The following ZSWIM7 variants were observed in gnomAD, a reference collection of about 807,000 sequenced individuals.
The protein encoded by ZSWIM7 is zinc finger SWIM domain-containing protein 7.
ZSWIM7 carries 22 observed loss-of-function variants against 21.1 expected under a neutral mutation model. The ratio of observed to expected loss-of-function variants is 1.04; its 90% CI spans 0.74 to 1.49. The LOEUF (loss-of-function observed/expected upper bound fraction) is 1.49, where lower values mean the gene tolerates loss of function less well. ZSWIM7 is among the 40% of genes most tolerant of loss of function. The pLI, the probability that ZSWIM7 is intolerant of heterozygous loss-of-function variation, is 0.00. For missense variants in ZSWIM7, 193 were observed against 168.0 expected, an observed-to-expected ratio of 1.15 and a Z score of -0.82; for synonymous variants, 67 against 66.5, an observed-to-expected ratio of 1.01 and a Z score of -0.04.
chr17:15,993,793 T>C lies in ZSWIM7; in HGVS notation c.77-15A>G. 1 of 1,504,678 alleles carries C rather than the reference T, an allele frequency of 6.6e-7. No homozygotes were observed. Among genetic ancestry groups the C allele is most frequent in the Non-Finnish European group, 9.2e-7 (1 of 1,092,336 alleles). 93.2% of individuals were successfully genotyped at this position (1,504,678 alleles called of 1,614,324 possible). ...TTCATCAGGAACTGTAAAATGAGAATGGAAAAAAAAAGTTAATCATATTAA... is the reference window on the plus strand; with the variant it reads ...TTCATCAGGAACTGTAAAATGAGAACGGAAAAAAAAAGTTAATCATATTAA... On this transcript the variant is annotated splice_polypyrimidine_tract_variant and intron_variant, in intron 1 of 4. Transcript: ENST00000399277.
In ZSWIM7 at chr17:15,977,837, C is replaced by G. The variant is rs11654; in HGVS notation, c.*210G>C. On this transcript the variant is annotated 3_prime_UTR_variant, in exon 5 of 5. Transcript: ENST00000399277. ...GAGACTGGCTCAGGGTATTTCTTGA[C>G]AAGACTGTACAGGGCTTCTCATCAT... is the stretch of plus-strand genomic sequence containing the variant. The G allele has an allele frequency of 0.56, 254,068 of 449,866 alleles. 74,538 individuals carry two copies. The highest frequency in any genetic ancestry group is 0.7 in the African/African-American group (35,843 of 51,452). 27.9% of individuals were successfully genotyped at this position (449,866 alleles called of 1,614,324 possible).
Position 15,978,145 on chromosome 17 carries a change from C to A in ZSWIM7, c.325G>T (p.Val109Phe). Residue 109 changes from valine to phenylalanine, a missense_variant, in exon 5 of 5, where the codon GTT becomes TTT. Transcript: ENST00000399277. ...DSILCKHLLA[V>F]YLSQVMRTCQ... Reference sequence around the variant, plus strand: ...GTCCTCATAACCTGACTCAGGTAAACTGCCAAGAGATGCTTGCACTGGAAT... The same window carrying A: ...GTCCTCATAACCTGACTCAGGTAAAATGCCAAGAGATGCTTGCACTGGAAT... 3.1e-6 allele frequency: 5 copies of A among 1,614,078 alleles called. No individual in the cohort carries two copies. The highest frequency in any genetic ancestry group is 4.2e-6 in the Non-Finnish European group (5 of 1,179,926).
At chr17:15,979,146 T>C (rs1393845114) in intron 4 of ZSWIM7, among the ~76,000 whole-genome samples, 1 of 151,620 alleles carries the variant, frequency 6.6e-6, no homozygotes. Flanking sequence ...CCTTCCGCAG[T>C]GTTTGTGTCC....
intron 3 of ZSWIM7, among the ~76,000 whole-genome samples, chr17:15,982,168 A>T (rs979833482): frequency 6.6e-6 from 1 of 152,142 alleles, no homozygotes; most frequent in Admixed American, 6.6e-5. Context: ...AAGAGGGACA[A>T]AAAGGAGAGG....
chr17:15,999,452 G>C (rs534275160), intron 1 of ZSWIM7, 67 bp downstream of exon 1: 1 of 1,568,884 alleles, frequency 6.4e-7, no homozygotes, highest in Non-Finnish European at 8.6e-7. Context: ...CCTGCCTCCC[G>C]GCCCGGCGGT....
chr17:15,979,280 T>A (rs867799509), intron 4 of ZSWIM7, among the ~76,000 whole-genome samples: 1 of 151,480 alleles, frequency 6.6e-6, no homozygotes, highest in Non-Finnish European at 1.5e-5. Flanking sequence ...ACACAGCACA[T>A]GTTTCAGAGA....
rs1043100409 is a variant in ZSWIM7 at position 15,999,661 on chromosome 17, T to C, written c.-67A>G. On this transcript the variant is annotated 5_prime_UTR_variant, in exon 1 of 5. Coordinates refer to ENST00000399277, the MANE Select transcript of ZSWIM7 (RefSeq NM_001042697.2). Reference sequence around the variant, plus strand: ...GACGCTCCAGCTGACTGCGCCTACCTGTGGAGGATCCTGACCCCCCGCCGG... The same window carrying C: ...GACGCTCCAGCTGACTGCGCCTACCCGTGGAGGATCCTGACCCCCCGCCGG... 5 of 1,562,932 alleles carry C rather than the reference T, an allele frequency of 3.2e-6. No individual in the cohort carries two copies. In the African/African-American group the frequency reaches 4.1e-5, roughly 13 times the overall value.
intron 2 of ZSWIM7, among the ~76,000 whole-genome samples, chr17:15,990,646 A>T (rs1473882748): frequency 1.3e-5 from 2 of 152,216 alleles, no homozygotes; most frequent in Non-Finnish European, 2.9e-5. Context: ...AACACAGAGT[A>T]AGACAAACCT....
At position 15,978,158 on chromosome 17, in the gene ZSWIM7, C is replaced by T. The variant is rs548819661; in HGVS notation, c.312G>A (p.Lys104=). The change falls in exon 5 of 5, where the codon AAG becomes AAA. Residue 104 remains lysine, a synonymous_variant. Transcript: ENST00000399277. ...GACTCAGGTAAACTGCCAAGAGATG[C>T]TTGCACTGGAATATAAAACACACAC... ...VLRKSDSILC[K]HLLAVYLSQV... 9.1e-5 allele frequency: 146 copies of T among 1,613,194 alleles called. 1 individual carries two copies. The South Asian group carries it at 1.6e-3, about 17-fold the overall frequency.
chr17:15,988,630 T>C (rs1970444293), intron 2 of ZSWIM7, among the ~76,000 whole-genome samples: 1 of 150,776 alleles, frequency 6.6e-6, no homozygotes, highest in African/African-American at 2.5e-5. Flanking sequence ...GCCTGAGCAA[T>C]GTAGTGACAC....
In ZSWIM7 at chr17:15,979,860, C is replaced by T. The variant is rs1323337640; in HGVS notation, c.306+1180G>A. Among the ~76,000 whole-genome samples, 3 of 95,978 alleles carry T rather than the reference C, an allele frequency of 3.1e-5. 1 individual carries two copies. Among genetic ancestry groups the T allele is most frequent in the African/African-American group, 1.4e-4 (3 of 21,488 alleles). The allele number at this position is 95,978 out of a possible 152,430, so 63.0% of individuals were successfully genotyped here. On this transcript the variant is annotated intron_variant, in intron 4 of 4. Coordinates refer to ENST00000399277, the MANE Select transcript of ZSWIM7 (RefSeq NM_001042697.2). ...CCCACCTCCCTCCCGGACGGGGCGG[C>T]TGGCCGGGCGGGGGGCTGACCCCCC... is the stretch of plus-strand genomic sequence containing the variant.
chr17:15,984,601 G>A (rs1219462220), intron 3 of ZSWIM7, among the ~76,000 whole-genome samples: 1 of 152,126 alleles, frequency 6.6e-6, no homozygotes, highest in Non-Finnish European at 1.5e-5. Flanking sequence ...TTTTATGACC[G>A]CTCCAAGCCT....
chr17:15,990,479 G>C (rs1970468987), intron 2 of ZSWIM7, among the ~76,000 whole-genome samples: 2 of 152,042 alleles, frequency 1.3e-5, no homozygotes, highest in South Asian at 2.1e-4. Context: ...CCGAGTAGCT[G>C]GGATTACAGG....
chr17:15,998,288 GTATGTTT>G (rs1348211144), intron 1 of ZSWIM7, among the ~76,000 whole-genome samples: 1 of 152,138 alleles, frequency 6.6e-6, no homozygotes, highest in Non-Finnish European at 1.5e-5. Context: ...TTGGAAACAA[GTATGTTT>G]GAATACTTGG....
At chr17:15,998,153 C>T (rs1970586686) in intron 1 of ZSWIM7, among the ~76,000 whole-genome samples, 1 of 151,852 alleles carries the variant, frequency 6.6e-6, no homozygotes, top group Non-Finnish European at 1.5e-5. Flanking sequence ...TTAACCTATT[C>T]AGACACAGAA....
rs1349100478 is a variant in ZSWIM7 at position 15,981,196 on chromosome 17, CCT to C, written c.202-54_202-53del. 2.2e-6 allele frequency: 3 copies of C among 1,345,520 alleles called. No individual in the cohort carries two copies. In the African/African-American group the frequency reaches 4.4e-5, roughly 20 times the overall value. 83.3% of individuals were successfully genotyped at this position (1,345,520 alleles called of 1,614,324 possible). A position where few individuals can be genotyped will look rare whatever the true frequency, so the allele number is the denominator to read the frequency against. ...GACCTCAGATGTGCTGGAAAAACCA[CCT>C]CTTTCCCTTTTTATTTATGTAGACT... is the stretch of plus-strand genomic sequence containing the variant. On this transcript the variant is annotated intron_variant, in intron 3 of 4. Coordinates refer to ENST00000399277, the MANE Select transcript of ZSWIM7 (RefSeq NM_001042697.2).
chr17:15,994,889 C>T (rs1246184462), intron 1 of ZSWIM7, among the ~76,000 whole-genome samples: 1 of 152,040 alleles, frequency 6.6e-6, no homozygotes, highest in Non-Finnish European at 1.5e-5. Flanking sequence ...CCTCTACCAC[C>T]CAGAGCTTCC....
At chr17:15,978,184 A>G (rs773939907) in intron 4 of ZSWIM7, 21 bp from the exon 5 acceptor site, 15 of 1,583,928 alleles carry the variant, frequency 9.5e-6, no homozygotes, top group Admixed American at 6.7e-5. Flanking sequence ...AAACACACAC[A>G]CCTATTAGAA....
intron 1 of ZSWIM7, among the ~76,000 whole-genome samples, chr17:15,998,235 C>A (rs893065504): frequency 2.6e-5 from 4 of 152,128 alleles, no homozygotes; most frequent in African/African-American, 9.7e-5. Flanking sequence ...GAGCCCAGAA[C>A]AATTGTATAA....
Sources: allele counts gnomAD v4.1 joint callset (sites outside exome capture counted in the v4.1 genomes callset), GRCh38; gene constraint gnomAD v4.1.1; transcripts MANE v1.5; gene names NCBI Gene and HGNC (gene_info 2026-07-23, HGNC 2026-07-21).